Variants in DOHH observed in about 807,000 individuals in gnomAD.
DOHH encodes the protein deoxyhypusine hydroxylase.
Under a neutral mutation model 19.9 loss-of-function variants are expected in DOHH, and 16 were observed. That is an observed-to-expected ratio of 0.80 (90% CI 0.54 to 1.22). The LOEUF (loss-of-function observed/expected upper bound fraction) is 1.22. Among genes scored for constraint, DOHH ranks in the 50% most tolerant of loss-of-function variants. DOHH has a pLI of 0.00. For synonymous variants in DOHH, 233 were observed against 217.0 expected, an observed-to-expected ratio of 1.07 and a Z score of -0.65; for missense variants, 460 against 460.6, an observed-to-expected ratio of 1.00 and a Z score of 0.01.
Position 3,494,114 on chromosome 19 carries a change from A to C in DOHH, c.275-10T>G. On this transcript the variant is annotated splice_polypyrimidine_tract_variant and intron_variant, in intron 2 of 4. Transcript: ENST00000427575. ...GCCCCCAGGGCCTCCCCTGGGAAGAAGCAGCCGGAGAGCTCATGTTGGTGG... is the reference window on the plus strand; with the variant it reads ...GCCCCCAGGGCCTCCCCTGGGAAGACGCAGCCGGAGAGCTCATGTTGGTGG... 6.2e-7 allele frequency: 1 copy of C among 1,612,168 alleles called. No individual in the cohort carries two copies. Among genetic ancestry groups the C allele is most frequent in the Non-Finnish European group, 8.5e-7 (1 of 1,178,606 alleles).
intron 2 of DOHH, among the ~76,000 whole-genome samples, chr19:3,494,496 G>A (rs1227274772): frequency 6.6e-6 from 1 of 152,198 alleles, no homozygotes; most frequent in African/African-American, 2.4e-5. Context: ...GACAGAGTGA[G>A]ACCCTGTCTC....
At position 3,491,549 on chromosome 19, in the gene DOHH, G is replaced by A. The variant is rs375046386; in HGVS notation, c.852C>T (p.Thr284=). Residue 284 remains threonine (T), a synonymous_variant, in exon 5 of 5, where the codon ACC becomes ACT. Coordinates refer to ENST00000427575, the MANE Select transcript of DOHH (RefSeq NM_001145165.2). The surrounding 1 kb of genome is among the most constrained non-coding windows in gnomAD (Gnocchi z 5.6). ...EVALDMYEHE[T]GRAFQYADGL... ...CGTCCGCGTACTGGAAGGCCCGCCC[G>A]GTCTCGTGCTCATACATGTCCAGAG... 1.9e-5 allele frequency: 29 copies of A among 1,535,784 alleles called. 1 individual carries two copies. The highest frequency in any genetic ancestry group is 9.8e-5 in the Admixed American group (5 of 51,010).
At chr19:3,498,084 T>C (rs1664276834) in intron 1 of DOHH, among the ~76,000 whole-genome samples, 1 of 152,122 alleles carries the variant, frequency 6.6e-6, no homozygotes, top group African/African-American at 2.4e-5. Context: ...CCATCTCCCA[T>C]CACCTCTTCC....
In DOHH at chr19:3,491,620, G is replaced by T. The variant is rs1279020689; in HGVS notation, c.781C>A (p.His261Asn). 3 of 1,535,274 alleles carry T rather than the reference G, an allele frequency of 2.0e-6. No individual in the cohort carries two copies. In the East Asian group the frequency reaches 7.3e-5, roughly 38 times the overall value. ...RPACLAALQA[H>N]ADDPERVVRE... ...ACCACGCGCTCTGGGTCGTCCGCGT[G>T]AGCCTGCAGCGCGGCCAGGCAGGCG... Residue 261 changes from histidine (H) to asparagine (N), a missense_variant, in exon 5 of 5, where the codon CAC (histidine) becomes AAC (asparagine). Transcript: ENST00000427575. This position sits in a 1 kb window ranked among gnomAD's most constrained non-coding sequence, Gnocchi z 5.6.
intron 3 of DOHH, among the ~76,000 whole-genome samples, chr19:3,493,228 G>A (rs2082883962): frequency 6.6e-6 from 1 of 152,272 alleles, no homozygotes; most frequent in Non-Finnish European, 1.5e-5. Context: ...AAGGCAGGAG[G>A]ATCGCTTGAG....
intron 1 of DOHH, among the ~76,000 whole-genome samples, chr19:3,498,631 C>G (rs1029325860): frequency 6.6e-6 from 1 of 152,106 alleles, no homozygotes; most frequent in African/African-American, 2.4e-5. Context: ...TCTCGAACTC[C>G]CAACCTCAGG....
At position 3,493,887 on chromosome 19, in the gene DOHH, G is replaced by A. The variant is rs1041666264; in HGVS notation, c.351+141C>T. The stretch of plus-strand genomic sequence containing the variant: ...GTCGCCCTCGCCTTCCTCATCCCTG[G>A]GGCATCCTTGGCCAAGTGGTCGCCC... On this transcript the variant is annotated intron_variant, in intron 3 of 4. Coordinates refer to ENST00000427575, the MANE Select transcript of DOHH (RefSeq NM_001145165.2). 13 of 701,696 alleles carry A rather than the reference G, an allele frequency of 1.9e-5. No homozygotes were observed. The Admixed American group carries it at 3.3e-4, about 18-fold the overall frequency. The allele number at this position is 701,696 out of a possible 1,614,324, so 43.5% of individuals were successfully genotyped here.
intron 2 of DOHH, among the ~76,000 whole-genome samples, chr19:3,494,463 C>T (rs2082893971): frequency 1.3e-5 from 2 of 152,206 alleles, no homozygotes; most frequent in Non-Finnish European, 2.9e-5. Context: ...GCTATGATCA[C>T]ACCACTGTAC....
At position 3,496,075 on chromosome 19, in the gene DOHH, G is replaced by A. The variant is rs969171506; in HGVS notation, c.274+466C>T. On this transcript the variant is annotated intron_variant, in intron 2 of 4. Coordinates refer to ENST00000427575, the MANE Select transcript of DOHH (RefSeq NM_001145165.2). The surrounding 1 kb of genome is among the most constrained non-coding windows in gnomAD (Gnocchi z 4.8). ...TGCCCAGGCTGGAGTGCGGTGGCAC[G>A]ATCATGGCTCACTGCAACCTTGACT... Among the ~76,000 whole-genome samples, 5 of 152,032 alleles carry A rather than the reference G, an allele frequency of 3.3e-5. No homozygotes were observed. The highest frequency in any genetic ancestry group is 7.2e-5 in the African/African-American group (3 of 41,414).
rs373818669 is a variant in DOHH at position 3,496,806 on chromosome 19, C to T, written c.9G>A (p.Thr3=). 36 of 1,587,008 alleles carry T rather than the reference C, an allele frequency of 2.3e-5. No individual in the cohort carries two copies. The highest frequency in any genetic ancestry group is 2.7e-5 in the Non-Finnish European group (31 of 1,168,632). Residue 3 remains threonine, a synonymous_variant, in exon 2 of 5, where the codon ACG becomes ACA. Transcript: ENST00000427575. This position sits in a 1 kb window ranked among gnomAD's most constrained non-coding sequence, Gnocchi z 4.8. ...GCCCGATGGCATCCACCTCCTGCTC[C>T]GTCACCATCGTGCTGTCAATGGGTC... MV[T]EQEVDAIGQT... is the part of the protein sequence containing the mutation.
rs139295762 is a variant in DOHH, at chr19:3,493,337, G to A, written c.351+691C>T. 8.4e-4 allele frequency among the ~76,000 whole-genome samples: 128 copies of A among 152,172 alleles called. 1 individual carries two copies. In the East Asian group the frequency reaches 0.022, roughly 26 times the overall value. ...AATTTGTTTCATTTTTGGGCCAGGC[G>A]CGGTGGCTCACGCCTGTAATCCCAG... On this transcript the variant is annotated intron_variant, in intron 3 of 4. Transcript: ENST00000427575.
At chr19:3,494,161 C>T (rs571550184) in intron 2 of DOHH, 57 bp from the exon 3 acceptor site, 1 of 1,518,800 alleles carries the variant, frequency 6.6e-7, no homozygotes, top group Non-Finnish European at 9.1e-7. Context: ...GGAAAATGCC[C>T]GGCTACCTCT....
At position 3,491,172 on chromosome 19, in the gene DOHH, G is replaced by A. The variant is rs977163026; in HGVS notation, c.*320C>T. ...GCGATCCTCCCCTGGCTTCCCTCGC[G>A]ATCCTCCCCTGGCTTCCCTCGCAAT... On this transcript the variant is annotated 3_prime_UTR_variant, in exon 5 of 5. Transcript: ENST00000427575. This position sits in a 1 kb window ranked among gnomAD's most constrained non-coding sequence, Gnocchi z 5.6. 9 of 422,896 alleles carry A rather than the reference G, an allele frequency of 2.1e-5. No individual in the cohort carries two copies. Among genetic ancestry groups the A allele is most frequent in the Non-Finnish European group, 3.3e-5 (8 of 238,992 alleles). The allele number at this position is 422,896 out of a possible 1,614,324, so 26.2% of individuals were successfully genotyped here.
intron 3 of DOHH, 146 bp downstream of exon 3, chr19:3,493,882 C>A: frequency 4.3e-6 from 3 of 694,928 alleles, no homozygotes; most frequent in Non-Finnish European, 7.1e-6. Flanking sequence ...CCTTCCTCAT[C>A]CCTGGGGCAT....
chr19:3,495,132 C>G (rs1390910211), intron 2 of DOHH, among the ~76,000 whole-genome samples: 1 of 152,178 alleles, frequency 6.6e-6, no homozygotes, highest in East Asian at 1.9e-4. Context: ...GGCCACCACG[C>G]CCAGCTACTT....
At chr19:3,497,207 GCGA>G (rs1251533044) in intron 1 of DOHH, among the ~76,000 whole-genome samples, 2 of 152,168 alleles carry the variant, frequency 1.3e-5, no homozygotes, top group Non-Finnish European at 2.9e-5. Flanking sequence ...GCTTTATATA[GCGA>G]TCCCCACCCA....
Position 3,491,681 on chromosome 19 carries a change from G to A in DOHH, c.720C>T (p.His240=), listed in dbSNP as rs1477862280. 11 of 1,532,972 alleles carry A rather than the reference G, an allele frequency of 7.2e-6. No individual in the cohort carries two copies. The highest frequency in any genetic ancestry group is 3.5e-6 in the Non-Finnish European group (4 of 1,143,154). 95.0% of individuals were successfully genotyped at this position (1,532,972 alleles called of 1,614,324 possible). The part of the protein sequence containing the change: ...ARCTENPMVR[H]ECAEALGAIA... ...TGGCGCCCAGGGCCTCCGCGCACTC[G>A]TGCCGCACCATGGGGTTCTCGGTGC... The change falls in exon 5 of 5, where the codon CAC becomes CAT. Residue 240 remains histidine, a synonymous_variant. Coordinates refer to ENST00000427575, the MANE Select transcript of DOHH (RefSeq NM_001145165.2). The surrounding 1 kb of genome is among the most constrained non-coding windows in gnomAD (Gnocchi z 5.6).
chr19:3,495,515 T>C (rs2082901930), intron 2 of DOHH, among the ~76,000 whole-genome samples: 1 of 152,244 alleles, frequency 6.6e-6, no homozygotes, highest in East Asian at 1.9e-4. Flanking sequence ...TCACTAAATG[T>C]GTGTCCAATG....
At position 3,491,328 on chromosome 19, in the gene DOHH, C is replaced by T. The variant is rs907536149; in HGVS notation, c.*164G>A. 1.2e-5 allele frequency: 9 copies of T among 726,410 alleles called. No homozygotes were observed. The African/African-American group carries it at 1.5e-4, about 12-fold the overall frequency. The allele number at this position is 726,410 out of a possible 1,614,324, so 45.0% of individuals were successfully genotyped here. On this transcript the variant is annotated 3_prime_UTR_variant, in exon 5 of 5. Transcript: ENST00000427575. The surrounding 1 kb of genome is among the most constrained non-coding windows in gnomAD (Gnocchi z 5.6). Reference sequence around the variant, plus strand: ...GGGGACTCAGGGAGTCACAGCACAACGGCAGCTCCTCGGTCCCAGACGGAG... The same window carrying T: ...GGGGACTCAGGGAGTCACAGCACAATGGCAGCTCCTCGGTCCCAGACGGAG...
Sources: allele counts gnomAD v4.1 joint callset (sites outside exome capture counted in the v4.1 genomes callset), GRCh38; gene constraint gnomAD v4.1.1; non-coding constraint Gnocchi (gnomAD v3.1); transcripts MANE v1.5; gene names NCBI Gene and HGNC (gene_info 2026-07-23, HGNC 2026-07-21).